The following INPP5A variants were observed in gnomAD, a reference collection of about 807,000 sequenced individuals.
INPP5A encodes the protein inositol polyphosphate-5-phosphatase A.
Under a neutral mutation model 65.2 loss-of-function variants are expected in INPP5A, and 14 were observed. The observed-to-expected ratio is 0.21, with a 90% confidence interval of 0.14 to 0.34. The LOEUF (loss-of-function observed/expected upper bound fraction) is 0.34, where lower values mean the gene tolerates loss of function less well. INPP5A is among the 10% of genes least tolerant of loss of function. INPP5A has a pLI of 1.00. For missense variants in INPP5A, 431 were observed against 545.6 expected (o/e 0.79, Z 2.09); for synonymous variants, 207 against 208.3 (o/e 0.99, Z 0.05).
At position 132,545,136 on chromosome 10, in the gene INPP5A, T is replaced by G. The variant is rs1254396781; in HGVS notation, c.75+6965T>G. Among the ~76,000 whole-genome samples the G allele has an allele frequency of 2.6e-5, 4 of 151,606 alleles. No individual in the cohort carries two copies. In the East Asian group the frequency reaches 5.8e-4, roughly 22 times the overall value. On this transcript the variant is annotated intron_variant, in intron 1 of 15. Coordinates refer to ENST00000368594, the MANE Select transcript of INPP5A (RefSeq NM_005539.5). This position sits in a 1 kb window ranked among gnomAD's most constrained non-coding sequence, Gnocchi z 4.6. ...TGTCCGTGTGGAGTTGTGGGGCAGGTGGAGCAGGGCAGAGGGCCCCGCACG... is the reference window on the plus strand; with the variant it reads ...TGTCCGTGTGGAGTTGTGGGGCAGGGGGAGCAGGGCAGAGGGCCCCGCACG...
At chr10:132,577,883 A>G (rs1040296345) in intron 1 of INPP5A, among the ~76,000 whole-genome samples, 3 of 152,102 alleles carry the variant, frequency 2.0e-5, no homozygotes, top group Non-Finnish European at 2.9e-5. Context: ...CTGGTTTGAG[A>G]AGGGAGTGTG....
Position 132,770,006 on chromosome 10 carries a change from G to A in INPP5A, c.977+4160G>A, listed in dbSNP as rs374295072. Reference sequence around the variant, plus strand: ...GATTTAAGATGGCTCCTCGGTGGCCGCTCCACTGGTGTGACAGCCCGACAT... The same window carrying A: ...GATTTAAGATGGCTCCTCGGTGGCCACTCCACTGGTGTGACAGCCCGACAT... On this transcript the variant is annotated intron_variant, in intron 12 of 15. Coordinates refer to ENST00000368594, the MANE Select transcript of INPP5A (RefSeq NM_005539.5). Among the ~76,000 whole-genome samples, 5 of 152,264 alleles carry A rather than the reference G, an allele frequency of 3.3e-5. No individual in the cohort carries two copies. In the East Asian group the frequency reaches 5.8e-4, roughly 18 times the overall value.
rs902126397 is a variant in INPP5A, at chr10:132,762,671, A to C, written c.904-3102A>C. ...GTAAAGCTTAAAAACATGTAGGCTGAGGCGAGCTGCTTTTTGTGGACTCAT... is the reference window on the plus strand; with the variant it reads ...GTAAAGCTTAAAAACATGTAGGCTGCGGCGAGCTGCTTTTTGTGGACTCAT... On this transcript the variant is annotated intron_variant, in intron 11 of 15. Transcript: ENST00000368594. This position sits in a 1 kb window ranked among gnomAD's most constrained non-coding sequence, Gnocchi z 4.6. 2.6e-5 allele frequency among the ~76,000 whole-genome samples: 4 copies of C among 152,170 alleles called. No homozygotes were observed. The highest frequency in any genetic ancestry group is 9.7e-5 in the African/African-American group (4 of 41,428).
Position 132,704,089 on chromosome 10 carries a change from T to C in INPP5A, c.475-4224T>C, listed in dbSNP as rs984151498. Among the ~76,000 whole-genome samples, 1 of 151,588 alleles carries C rather than the reference T, an allele frequency of 6.6e-6. No individual in the cohort carries two copies. Among genetic ancestry groups the C allele is most frequent in the Non-Finnish European group, 1.5e-5 (1 of 67,934 alleles). ...GGTTCTGAAGGCTTGGCCTGATCTC[T>C]GCTGCAGCATCTGGTTCCCAAAGCA... On this transcript the variant is annotated intron_variant, in intron 6 of 15. Transcript: ENST00000368594. The surrounding 1 kb of genome is among the most constrained non-coding windows in gnomAD (Gnocchi z 4.5).
At chr10:132,781,273 C>T (rs538901609) in intron 14 of INPP5A, among the ~76,000 whole-genome samples, 2 of 152,338 alleles carry the variant, frequency 1.3e-5, no homozygotes, top group South Asian at 4.1e-4. Flanking sequence ...GTTTTAATGG[C>T]CTTCTTGGGG....
intron 8 of INPP5A, among the ~76,000 whole-genome samples, chr10:132,717,103 G>A (rs912331210): frequency 6.7e-6 from 1 of 149,862 alleles, no homozygotes; most frequent in East Asian, 2.0e-4. Flanking sequence ...CTCAGTTTGA[G>A]ATCTGAGTTC....
At position 132,697,129 on chromosome 10, in the gene INPP5A, C is replaced by T. The variant is rs932429337; in HGVS notation, c.371-687C>T. ...CATCTTGCAAAGAGGCCAGCAGCCA[C>T]CTGCCCACTGGACCCAGCAGGAGTT... is the stretch of plus-strand genomic sequence containing the variant. On this transcript the variant is annotated intron_variant, in intron 5 of 15. Transcript: ENST00000368594. The surrounding 1 kb of genome is among the most constrained non-coding windows in gnomAD (Gnocchi z 5.6). Among the ~76,000 whole-genome samples the T allele has an allele frequency of 1.3e-5, 2 of 152,274 alleles. No homozygotes were observed. The highest frequency in any genetic ancestry group is 6.5e-5 in the Admixed American group (1 of 15,290).
chr10:132,654,905 C>T (rs1475725654), intron 4 of INPP5A, among the ~76,000 whole-genome samples: 7 of 152,228 alleles, frequency 4.6e-5, no homozygotes, highest in Non-Finnish European at 1.0e-4. Flanking sequence ...GGAGATGGCG[C>T]CCACGCAGCG....
chr10:132,592,751 T>C (rs1469512227), intron 1 of INPP5A, among the ~76,000 whole-genome samples: 1 of 152,224 alleles, frequency 6.6e-6, no homozygotes, highest in Non-Finnish European at 1.5e-5. Flanking sequence ...GATACAGGCA[T>C]GTATAGTCCT....
intron 1 of INPP5A, among the ~76,000 whole-genome samples, chr10:132,596,928 T>C (rs11146427): frequency 4.4e-5 from 1 of 22,722 alleles, no homozygotes; most frequent in Non-Finnish European, 3.6e-4. Context: ...TGTGCGCGCA[T>C]GTGCACGCAT....
In INPP5A at chr10:132,704,241, ACGCCTGCCTCC is replaced by A; in HGVS notation, c.475-4070_475-4060del. ...GGACGGTACCTTTTCTCCTGGAAAG[ACGCCTGCCTCC>A]CACTGTCACTAGTAGAGGGGCCTCA... On this transcript the variant is annotated intron_variant, in intron 6 of 15. Transcript: ENST00000368594. This position sits in a 1 kb window ranked among gnomAD's most constrained non-coding sequence, Gnocchi z 4.5. 6.6e-6 allele frequency among the ~76,000 whole-genome samples: 1 copy of A among 152,162 alleles called. No homozygotes were observed. Among genetic ancestry groups the A allele is most frequent in the Non-Finnish European group, 1.5e-5 (1 of 67,994 alleles).
intron 1 of INPP5A, among the ~76,000 whole-genome samples, chr10:132,553,084 G>A (rs139842296): frequency 0.01 from 1,482 of 141,418 alleles, 11 homozygotes; most frequent in South Asian, 0.016. Flanking sequence ...GGACAGGGAG[G>A]GAGGACTGGT....
chr10:132,583,287 C>T (rs2071507693), intron 1 of INPP5A, among the ~76,000 whole-genome samples: 1 of 152,098 alleles, frequency 6.6e-6, no homozygotes, highest in East Asian at 1.9e-4. Context: ...TCCTATGGCC[C>T]CTCTGAACCG....
intron 1 of INPP5A, among the ~76,000 whole-genome samples, chr10:132,602,283 TC>T (rs773191296): frequency 6.6e-6 from 1 of 152,152 alleles, no homozygotes; most frequent in Non-Finnish European, 1.5e-5. Flanking sequence ...TGATCTTATA[TC>T]CTGCCACGTT....
At position 132,762,660 on chromosome 10, in the gene INPP5A, CAT is replaced by C. The variant is rs1351310364; in HGVS notation, c.904-3112_904-3111del. Among the ~76,000 whole-genome samples, 5 of 152,282 alleles carry C rather than the reference CAT, an allele frequency of 3.3e-5. No homozygotes were observed. The highest frequency in any genetic ancestry group is 1.3e-4 in the Admixed American group (2 of 15,300). On this transcript the variant is annotated intron_variant, in intron 11 of 15. Coordinates refer to ENST00000368594, the MANE Select transcript of INPP5A (RefSeq NM_005539.5). This position sits in a 1 kb window ranked among gnomAD's most constrained non-coding sequence, Gnocchi z 4.6. Reference sequence around the variant, plus strand: ...AGAACATTTGTGTAAAGCTTAAAAACATGTAGGCTGAGGCGAGCTGCTTTTTG... The same window carrying C: ...AGAACATTTGTGTAAAGCTTAAAAACGTAGGCTGAGGCGAGCTGCTTTTTG...
rs534375411 is a variant in INPP5A at position 132,783,342 on chromosome 10, C to A, written c.*1313C>A. The A allele has an allele frequency of 3.5e-4, 54 of 152,472 alleles. No individual in the cohort carries two copies. The highest frequency in any genetic ancestry group is 1.3e-3 in the Admixed American group (20 of 15,306). 9.4% of individuals were successfully genotyped at this position (152,472 alleles called of 1,614,324 possible). On this transcript the variant is annotated 3_prime_UTR_variant, in exon 16 of 16. Coordinates refer to ENST00000368594, the MANE Select transcript of INPP5A (RefSeq NM_005539.5). ...TCTGTTCTTGGTGGAAGCACAGGTC[C>A]GTGTCGCTGCTGTGGTTGCCGCTGT... is the stretch of plus-strand genomic sequence containing the variant.
At chr10:132,702,427 C>G (rs1340838326) in intron 6 of INPP5A, among the ~76,000 whole-genome samples, 1 of 152,200 alleles carries the variant, frequency 6.6e-6, no homozygotes, top group Non-Finnish European at 1.5e-5. Flanking sequence ...AGATTCAAGA[C>G]ACACAAACAC....
Position 132,603,581 on chromosome 10 carries a change from A to G in INPP5A, c.76-4334A>G, listed in dbSNP as rs534176807. ...TTGGTGCAAGAGATAAAGCTCTACAATTCCTCTAAGGATAAGAAAACTTTT... is the reference window on the plus strand; with the variant it reads ...TTGGTGCAAGAGATAAAGCTCTACAGTTCCTCTAAGGATAAGAAAACTTTT... On this transcript the variant is annotated intron_variant, in intron 1 of 15. Transcript: ENST00000368594. This position sits in a 1 kb window ranked among gnomAD's most constrained non-coding sequence, Gnocchi z 4.2. Among the ~76,000 whole-genome samples the G allele has an allele frequency of 1.7e-3, 260 of 152,352 alleles. 2 individuals carry two copies. The highest frequency in any genetic ancestry group is 3.2e-3 in the Non-Finnish European group (219 of 68,036).
At chr10:132,772,517 G>A (rs111353384) in intron 12 of INPP5A, among the ~76,000 whole-genome samples, 13 of 80,172 alleles carry the variant, frequency 1.6e-4, no homozygotes, top group Admixed American at 3.9e-4. Context: ...GCAGCCACCC[G>A]ATGAAGAGTG....
Sources: allele counts gnomAD v4.1 joint callset (sites outside exome capture counted in the v4.1 genomes callset), GRCh38; gene constraint gnomAD v4.1.1; non-coding constraint Gnocchi (gnomAD v3.1); transcripts MANE v1.5; gene names NCBI Gene and HGNC (gene_info 2026-07-23, HGNC 2026-07-21).